MIB1: variants seen among roughly 807,000 people sequenced by gnomAD.
MIB1 encodes the protein MIB E3 ubiquitin protein ligase 1, also known as E3 ubiquitin-protein ligase MIB1.
Under a neutral mutation model 124.5 loss-of-function variants are expected in MIB1, and 278 were observed. The observed-to-expected ratio is 2.23, with a 90% CI of 2.02 to 2.47. The LOEUF (loss-of-function observed/expected upper bound fraction) is 2.47. Ranked by LOEUF, MIB1 falls within the 30% of genes most tolerant of loss-of-function variation. The probability of loss-of-function intolerance (pLI) is 0.00; values close to 1 mark genes in which losing one functional copy is unlikely to be tolerated. For missense variants in MIB1, 957 were observed against 1,254.4 expected (o/e 0.76, Z 3.58); for synonymous variants, 446 against 429.4 (o/e 1.04, Z -0.48).
intron 2 of MIB1, among the ~76,000 whole-genome samples, chr18:21,768,285 C>T (rs866015125): frequency 3.0e-4 from 45 of 152,194 alleles, no homozygotes; most frequent in African/African-American, 1.1e-3. Context: ...CACATTACTT[C>T]TTTGAGACTC....
At chr18:21,768,012 G>A (rs1462501679) in intron 2 of MIB1, among the ~76,000 whole-genome samples, 1 of 152,166 alleles carries the variant, frequency 6.6e-6, no homozygotes, top group African/African-American at 2.4e-5. Context: ...GAGCCCTTTA[G>A]ACTGGACCTT....
intron 1 of MIB1, among the ~76,000 whole-genome samples, chr18:21,745,685 C>G (rs1476283163): frequency 6.6e-6 from 1 of 151,408 alleles, no homozygotes; most frequent in Non-Finnish European, 1.5e-5. Flanking sequence ...AACACACACA[C>G]ACACACACAC....
chr18:21,863,275 G>A (rs1196501991), intron 20 of MIB1, among the ~76,000 whole-genome samples: 1 of 152,214 alleles, frequency 6.6e-6, no homozygotes, highest in Non-Finnish European at 1.5e-5. Context: ...TTGGCCCCTT[G>A]CCTCATAGTG....
chr18:21,801,895 C>CCTTCT (rs1314986188), intron 9 of MIB1, among the ~76,000 whole-genome samples: 1 of 152,084 alleles, frequency 6.6e-6, no homozygotes, highest in Non-Finnish European at 1.5e-5. Context: ...TTGAGGGTTC[C>CCTTCT]CTTCTCTTCT....
intron 9 of MIB1, among the ~76,000 whole-genome samples, chr18:21,803,514 C>G (rs747382573): frequency 2.0e-5 from 3 of 152,150 alleles, no homozygotes; most frequent in Non-Finnish European, 2.9e-5. Flanking sequence ...TTATTTATCC[C>G]TAGCAGCTAA....
intron 1 of MIB1, among the ~76,000 whole-genome samples, chr18:21,735,637 G>C (rs1345950840): frequency 1.3e-5 from 2 of 152,196 alleles, no homozygotes; most frequent in East Asian, 3.8e-4. Context: ...TGAAATTCTC[G>C]CTGCTAGCAC....
chr18:21,706,768 G>A (rs964650865), intron 1 of MIB1, among the ~76,000 whole-genome samples: 10 of 152,188 alleles, frequency 6.6e-5, no homozygotes, highest in Non-Finnish European at 1.5e-4. Flanking sequence ...GCAGGGCTCA[G>A]GACCTGCAGC....
At position 21,779,558 on chromosome 18, in the gene MIB1, G is replaced by C; in HGVS notation, c.781G>C (p.Val261Leu). 6.2e-7 allele frequency: 1 copy of C among 1,614,064 alleles called. No individual in the cohort carries two copies. Among genetic ancestry groups the C allele is most frequent in the Middle Eastern group, 1.6e-4 (1 of 6,062 alleles). Residue 261 changes from valine to leucine, a missense_variant, in exon 6 of 21, where the codon GTA (valine) becomes CTA (leucine). By Grantham distance (32) the Val-to-Leu change is conservative. Coordinates refer to ENST00000261537, the MANE Select transcript of MIB1 (RefSeq NM_020774.4). ...LVNIDLDLEI[V>L]QSLQHGHGGW... ...AAATATAGATCTCGACCTCGAAATT[G>C]TACAGTCTTTGCAGCATGGTCATGG...
At chr18:21,766,146 T>C (rs2041155990) in intron 2 of MIB1, among the ~76,000 whole-genome samples, 1 of 152,210 alleles carries the variant, frequency 6.6e-6, no homozygotes, top group Non-Finnish European at 1.5e-5. Context: ...TCTGTACTTT[T>C]CCAAGGTAAT....
chr18:21,762,589 T>C (rs973482203), intron 1 of MIB1, among the ~76,000 whole-genome samples: 1 of 152,154 alleles, frequency 6.6e-6, no homozygotes, highest in Non-Finnish European at 1.5e-5. Flanking sequence ...CTACACTGAG[T>C]GTATATTAAT....
At chr18:21,764,734 AAAAACAAAAC>A (rs917129760) in intron 1 of MIB1, among the ~76,000 whole-genome samples, 1 of 147,442 alleles carries the variant, frequency 6.8e-6, no homozygotes, top group Non-Finnish European at 1.5e-5. Context: ...TTTTGAAAAA[AAAAACAAAAC>A]AAAACAAAAC....
At chr18:21,754,051 C>T (rs1280576193) in intron 1 of MIB1, among the ~76,000 whole-genome samples, 2 of 152,204 alleles carry the variant, frequency 1.3e-5, no homozygotes, top group Non-Finnish European at 2.9e-5. Context: ...CCCTGTGAGG[C>T]TGGACTGGTT....
intron 6 of MIB1, among the ~76,000 whole-genome samples, 176 bp downstream of exon 6, chr18:21,779,861 CGTGTGTGT>C (rs67233506): frequency 1.7e-4 from 26 of 148,602 alleles, no homozygotes; most frequent in African/African-American, 3.7e-4. Flanking sequence ...ATAAGAATTA[CGTGTGTGT>C]GTGTGTGTGT....
Position 21,779,673 on chromosome 18 carries a change from C to G in MIB1, c.896C>G (p.Pro299Arg). 6.2e-7 allele frequency: 1 copy of G among 1,613,246 alleles called. No homozygotes were observed. The highest frequency in any genetic ancestry group is 8.5e-7 in the Non-Finnish European group (1 of 1,179,350). The change falls in exon 6 of 21, where the codon CCA becomes CGA. Residue 299 changes from proline to arginine, a missense_variant. Coordinates refer to ENST00000261537, the MANE Select transcript of MIB1 (RefSeq NM_020774.4). Reference sequence around the variant, plus strand: ...GATCATGACATTGTAGTACAGTATCCAAGTGGCAATAGGTGGGTGATATCT... The same window carrying G: ...GATCATGACATTGTAGTACAGTATCGAAGTGGCAATAGGTGGGTGATATCT... ...DEDHDIVVQY[P>R]SGNRWTFNPA...
chr18:21,860,125 T>TTTTTTA (rs1273694921), intron 20 of MIB1, among the ~76,000 whole-genome samples: 1 of 107,230 alleles, frequency 9.3e-6, no homozygotes, highest in Non-Finnish European at 2.0e-5. Context: ...TTTTTTTTTT[T>TTTTTTA]AGAGTCTCAC....
At chr18:21,838,182 A>AC (rs1394663039) in intron 12 of MIB1, among the ~76,000 whole-genome samples, 183 bp from the exon 13 acceptor site, 1 of 152,040 alleles carries the variant, frequency 6.6e-6, no homozygotes, top group African/African-American at 2.4e-5. Flanking sequence ...ACATAGCAAG[A>AC]CCTCATCTCT....
At chr18:21,748,186 A>G (rs2040932023) in intron 1 of MIB1, among the ~76,000 whole-genome samples, 1 of 152,186 alleles carries the variant, frequency 6.6e-6, no homozygotes, top group Non-Finnish European at 1.5e-5. Flanking sequence ...CTTTTATAGT[A>G]TAGTGGTTCA....
intron 1 of MIB1, among the ~76,000 whole-genome samples, chr18:21,709,348 G>A (rs755662153): frequency 1.3e-5 from 2 of 151,334 alleles, no homozygotes; most frequent in African/African-American, 2.4e-5. Flanking sequence ...TCGTGGTGCT[G>A]GTCCTGTGAT....
rs1173234776 is a variant in MIB1 at position 21,853,123 on chromosome 18, A to G, written c.2587-17A>G. 1 of 1,569,136 alleles carries G rather than the reference A, an allele frequency of 6.4e-7. No homozygotes were observed. Among genetic ancestry groups the G allele is most frequent in the Non-Finnish European group, 8.8e-7 (1 of 1,139,698 alleles). ...TATCTGTAAATGGTCACTGTGCTGT[A>G]ACCTCTTTTTCTATAGATTGAAGAA... On this transcript the variant is annotated splice_polypyrimidine_tract_variant and intron_variant, in intron 17 of 20. Coordinates refer to ENST00000261537, the MANE Select transcript of MIB1 (RefSeq NM_020774.4).
Sources: allele counts gnomAD v4.1 joint callset (sites outside exome capture counted in the v4.1 genomes callset), GRCh38; gene constraint gnomAD v4.1.1; transcripts MANE v1.5; gene names NCBI Gene and HGNC (gene_info 2026-07-23, HGNC 2026-07-21).